Variants in ATP8B3 observed in about 807,000 individuals in gnomAD.
ATP8B3 encodes phospholipid-transporting ATPase IK.
In ATP8B3, 141 loss-of-function variants were observed where a neutral mutation model predicts 140.9. The observed-to-expected ratio is 1.00, with a 90% CI of 0.87 to 1.15. The LOEUF (loss-of-function observed/expected upper bound fraction) is 1.15. ATP8B3 is among the 50% of genes most tolerant of loss of function. The pLI is 0.00. For synonymous variants in ATP8B3, 765 were observed against 714.6 expected, an observed-to-expected ratio of 1.07 and a Z score of -1.13; for missense variants, 1,874 against 1,740.6, an observed-to-expected ratio of 1.08 and a Z score of -1.36.
In ATP8B3 at chr19:1,807,412, C is replaced by A; in HGVS notation, c.517-146G>T. ...CGGGGTCCAGCCATCTCCTGCAACC[C>A]CCAGCCCTCGGGACAAACGCCCCGG... is the stretch of plus-strand genomic sequence containing the variant. On this transcript the variant is annotated intron_variant, in intron 5 of 28. Coordinates refer to ENST00000310127, the MANE Select transcript of ATP8B3 (RefSeq NM_138813.4). The surrounding 1 kb of genome is among the most constrained non-coding windows in gnomAD (Gnocchi z 5.9). The A allele has an allele frequency of 1.6e-6, 1 of 645,052 alleles. No individual in the cohort carries two copies. The highest frequency in any genetic ancestry group is 2.7e-6 in the Non-Finnish European group (1 of 367,868). 40.0% of individuals were successfully genotyped at this position (645,052 alleles called of 1,614,324 possible).
chr19:1,801,886 C>T, intron 12 of ATP8B3, 70 bp downstream of exon 12: 3 of 1,239,656 alleles, frequency 2.4e-6, no homozygotes, highest in East Asian at 2.4e-5. Flanking sequence ...AAACTGAGGC[C>T]TGGAAGATGA....
rs184776389 is a variant in ATP8B3 at position 1,792,681 on chromosome 19, G to A, written c.2056-546C>T. ...AATCCCAGCACTTTGGGAGGCCGAG[G>A]CAGGCGGATCACTTGAGGCCAGGAG... On this transcript the variant is annotated intron_variant, in intron 18 of 28. Coordinates refer to ENST00000310127, the MANE Select transcript of ATP8B3 (RefSeq NM_138813.4). Among the ~76,000 whole-genome samples, 243 of 152,032 alleles carry A rather than the reference G, an allele frequency of 1.6e-3. 5 individuals carry two copies. The South Asian group carries it at 0.022, about 14-fold the overall frequency.
In ATP8B3 at chr19:1,796,832, G is replaced by T. The variant is rs751278295; in HGVS notation, c.1632C>A (p.Phe544Leu). 3.1e-5 allele frequency: 50 copies of T among 1,612,444 alleles called. No individual in the cohort carries two copies. The highest frequency in any genetic ancestry group is 3.3e-4 in the Middle Eastern group (2 of 6,082). The change falls in exon 16 of 29, where the codon TTC becomes TTA. Residue 544 changes from phenylalanine (F) to leucine (L), a missense_variant. Physicochemically the swap from Phe to Leu is conservative, Grantham distance 22. Around this residue, in one of 3 missense-constraint regions of ATP8B3, gnomAD observed 1,032 missense variants for 963.6 expected, o/e 1.07. Coordinates refer to ENST00000310127, the MANE Select transcript of ATP8B3 (RefSeq NM_138813.4). ...WNKFADGKLL[F>L]HNAALLHLVR... ...CGAGGTGCAGCAGGGCCGCATTGTG[G>T]AAGAGCAGCTTCCCGTCGGCGAACT... is the stretch of plus-strand genomic sequence containing the variant.
In ATP8B3 at chr19:1,805,802, C is replaced by T; in HGVS notation, c.821+86G>A. On this transcript the variant is annotated intron_variant, in intron 9 of 28. Coordinates refer to ENST00000310127, the MANE Select transcript of ATP8B3 (RefSeq NM_138813.4). This position sits in a 1 kb window ranked among gnomAD's most constrained non-coding sequence, Gnocchi z 5.2. Reference sequence around the variant, plus strand: ...AAAGTCTCTGAGCGACCTTGGCTGGCCGCCTCCTTGGTGACTGGGGAAGGG... The same window carrying T: ...AAAGTCTCTGAGCGACCTTGGCTGGTCGCCTCCTTGGTGACTGGGGAAGGG... 6.5e-7 allele frequency: 1 copy of T among 1,535,626 alleles called. No individual in the cohort carries two copies. Among genetic ancestry groups the T allele is most frequent in the South Asian group, 1.1e-5 (1 of 87,622 alleles).
At position 1,794,287 on chromosome 19, in the gene ATP8B3, C is replaced by T. The variant is rs1179070568; in HGVS notation, c.2055+1588G>A. On this transcript the variant is annotated intron_variant, in intron 18 of 28. Transcript: ENST00000310127. The surrounding 1 kb of genome is among the most constrained non-coding windows in gnomAD (Gnocchi z 4.8). Reference sequence around the variant, plus strand: ...ATTGGCAGCCTCCGACAGGCCTTGACCCTTCTTCCGGCCTCAATTTACCCA... The same window carrying T: ...ATTGGCAGCCTCCGACAGGCCTTGATCCTTCTTCCGGCCTCAATTTACCCA... Among the ~76,000 whole-genome samples the T allele has an allele frequency of 2.0e-5, 3 of 152,194 alleles. No individual in the cohort carries two copies. Among genetic ancestry groups the T allele is most frequent in the Non-Finnish European group, 2.9e-5 (2 of 68,024 alleles).
At position 1,791,734 on chromosome 19, in the gene ATP8B3, G is replaced by T; in HGVS notation, c.2302+16C>A. 6.3e-7 allele frequency: 1 copy of T among 1,595,612 alleles called. No homozygotes were observed. On this transcript the variant is annotated intron_variant, in intron 20 of 28. Transcript: ENST00000310127. ...TGCTGCAGGGGCTTAGCCACCCGGAGCTGCCCGGGACTCACCCTGCTTGTC... is the reference window on the plus strand; with the variant it reads ...TGCTGCAGGGGCTTAGCCACCCGGATCTGCCCGGGACTCACCCTGCTTGTC...
rs201710612 is a variant in ATP8B3, at chr19:1,796,783, C to T, written c.1681G>A (p.Val561Met). The T allele has an allele frequency of 2.5e-6, 4 of 1,612,334 alleles. No individual in the cohort carries two copies. The highest frequency in any genetic ancestry group is 2.7e-5 in the African/African-American group (2 of 74,922). Reference protein sequence around the residue: ...HLVRTNGDEAVREFWRLLAIC... With the variant: ...HLVRTNGDEAMREFWRLLAIC... The stretch of plus-strand genomic sequence containing the variant: ...GCCAGCAGGCGCCAGAACTCCCGCA[C>T]GGCCTCGTCCCCGTTGGTCCGCACG... The change falls in exon 16 of 29, where the codon GTG (valine) becomes ATG (methionine). Residue 561 changes from valine (V) to methionine (M), a missense_variant. Around this residue, in one of 3 missense-constraint regions of ATP8B3, gnomAD observed 1,032 missense variants for 963.6 expected, o/e 1.07. Transcript: ENST00000310127.
In ATP8B3 at chr19:1,795,834, CACACACACACACAT is replaced by C. The variant is rs752250035; in HGVS notation, c.2055+27_2055+40del. ...ACACACACACACACACACACACACA[CACACACACACACAT>C]AAGCCAGCCTTCCTGAAGGGACTCA... is the stretch of plus-strand genomic sequence containing the variant. On this transcript the variant is annotated intron_variant, in intron 18 of 28. Coordinates refer to ENST00000310127, the MANE Select transcript of ATP8B3 (RefSeq NM_138813.4). 2.8e-4 allele frequency: 358 copies of C among 1,293,204 alleles called. 3 individuals carry two copies. In the African/African-American group the frequency reaches 4.5e-3, roughly 16 times the overall value. The allele number at this position is 1,293,204 out of a possible 1,614,324, so 80.1% of individuals were successfully genotyped here. A position where few individuals can be genotyped will look rare whatever the true frequency, so the allele number is the denominator to read the frequency against.
Position 1,807,138 on chromosome 19 carries a change from C to G in ATP8B3, c.615+30G>C. 1 of 1,593,030 alleles carries G rather than the reference C, an allele frequency of 6.3e-7. No individual in the cohort carries two copies. Among genetic ancestry groups the G allele is most frequent in the Non-Finnish European group, 8.6e-7 (1 of 1,162,332 alleles). ...CCCCCCCGACCGGCCCCGCTCCCTC[C>G]CCCAGGCAGCTGCATCCAACAGCAC... On this transcript the variant is annotated intron_variant, in intron 6 of 28. Transcript: ENST00000310127. The surrounding 1 kb of genome is among the most constrained non-coding windows in gnomAD (Gnocchi z 5.9).
Position 1,806,747 on chromosome 19 carries a change from G to A in ATP8B3, c.616-58C>T. On this transcript the variant is annotated intron_variant, in intron 6 of 28. Coordinates refer to ENST00000310127, the MANE Select transcript of ATP8B3 (RefSeq NM_138813.4). The surrounding 1 kb of genome is among the most constrained non-coding windows in gnomAD (Gnocchi z 5.6). The stretch of plus-strand genomic sequence containing the variant: ...TCCAGCCTCTCCTGCCCCCGCCCAG[G>A]CCGCTGCCGCACTGCAGCCCAGCAG... 6.5e-7 allele frequency: 1 copy of A among 1,530,814 alleles called. No homozygotes were observed. Among genetic ancestry groups the A allele is most frequent in the Non-Finnish European group, 8.9e-7 (1 of 1,129,694 alleles). The allele number at this position is 1,530,814 out of a possible 1,614,324, so 94.8% of individuals were successfully genotyped here.
intron 12 of ATP8B3, 74 bp downstream of exon 12, chr19:1,801,882 A>T: frequency 8.6e-7 from 1 of 1,167,570 alleles, no homozygotes; most frequent in Non-Finnish European, 1.3e-6. Flanking sequence ...AAGGAAACTG[A>T]GGCCTGGAAG....
chr19:1,782,797 C>A lies in ATP8B3; in HGVS notation c.*231G>T, dbSNP rs983831395. On this transcript the variant is annotated 3_prime_UTR_variant, in exon 29 of 29. Coordinates refer to ENST00000310127, the MANE Select transcript of ATP8B3 (RefSeq NM_138813.4). ...GAGAAGGTGGCCTCTGCTTGGGTGA[C>A]AATGACCTCTCCTGTGCCCTTGGCA... 1.8e-6 allele frequency: 1 copy of A among 566,618 alleles called. No individual in the cohort carries two copies. Among genetic ancestry groups the A allele is most frequent in the Non-Finnish European group, 3.1e-6 (1 of 320,732 alleles). The allele number at this position is 566,618 out of a possible 1,614,324, so 35.1% of individuals were successfully genotyped here. A position where few individuals can be genotyped will look rare whatever the true frequency, so the allele number is the denominator to read the frequency against.
chr19:1,806,524 G>A lies in ATP8B3; in HGVS notation c.677+104C>T. The A allele has an allele frequency of 6.6e-7, 1 of 1,518,926 alleles. No individual in the cohort carries two copies. Among genetic ancestry groups the A allele is most frequent in the Middle Eastern group, 1.7e-4 (1 of 5,816 alleles). The allele number at this position is 1,518,926 out of a possible 1,614,324, so 94.1% of individuals were successfully genotyped here. A position where few individuals can be genotyped will look rare whatever the true frequency, so the allele number is the denominator to read the frequency against. ...TCCTGTCGGACTCAACCAGCCGGGA[G>A]ATCAGGGAGCACGGAAGGTGATGGA... On this transcript the variant is annotated intron_variant, in intron 7 of 28. Coordinates refer to ENST00000310127, the MANE Select transcript of ATP8B3 (RefSeq NM_138813.4). The surrounding 1 kb of genome is among the most constrained non-coding windows in gnomAD (Gnocchi z 5.6).
intron 14 of ATP8B3, chr19:1,798,941 A>C (rs1173230196): frequency 6.6e-6 from 1 of 151,440 alleles, no homozygotes; most frequent in Non-Finnish European, 1.5e-5. Context: ...CCAGGAGTTC[A>C]AGACCAGCCT....
intron 24 of ATP8B3, 145 bp from the exon 25 acceptor site, chr19:1,787,331 A>C (rs1332864654): frequency 1.6e-5 from 10 of 619,368 alleles, no homozygotes; most frequent in Non-Finnish European, 2.6e-5. Context: ...GGGTGGGGTG[A>C]AGTGCGGCCT....
rs139732964 is a variant in ATP8B3, at chr19:1,794,280, G to A, written c.2055+1595C>T. Among the ~76,000 whole-genome samples, 187 of 152,300 alleles carry A rather than the reference G, an allele frequency of 1.2e-3. No homozygotes were observed. The highest frequency in any genetic ancestry group is 4.1e-3 in the Admixed American group (62 of 15,284). On this transcript the variant is annotated intron_variant, in intron 18 of 28. Transcript: ENST00000310127. The surrounding 1 kb of genome is among the most constrained non-coding windows in gnomAD (Gnocchi z 4.8). ...CACGGACATTGGCAGCCTCCGACAGGCCTTGACCCTTCTTCCGGCCTCAAT... is the reference window on the plus strand; with the variant it reads ...CACGGACATTGGCAGCCTCCGACAGACCTTGACCCTTCTTCCGGCCTCAAT...
At chr19:1,803,662 C>T (rs548505133) in intron 10 of ATP8B3, among the ~76,000 whole-genome samples, 1 of 152,166 alleles carries the variant, frequency 6.6e-6, no homozygotes, top group East Asian at 1.9e-4. Flanking sequence ...TTTCAGAGGC[C>T]GAGGCGGGTG....
At position 1,811,594 on chromosome 19, in the gene ATP8B3, G is replaced by A. The variant is rs1209979671; in HGVS notation, c.143C>T (p.Thr48Met). 18 of 1,612,122 alleles carry A rather than the reference G, an allele frequency of 1.1e-5. No homozygotes were observed. Among genetic ancestry groups the A allele is most frequent in the Admixed American group, 1.7e-5 (1 of 59,982 alleles). The change falls in exon 2 of 29, where the codon ACG becomes ATG. Residue 48 changes from threonine to methionine, a missense_variant. Around this residue, in one of 3 missense-constraint regions of ATP8B3, gnomAD observed 1,032 missense variants for 963.6 expected, o/e 1.07. Coordinates refer to ENST00000310127, the MANE Select transcript of ATP8B3 (RefSeq NM_138813.4). ...SGPAGIRGGE[T>M]VIRAGMGDSP... ...GTCTCCCATCCCAGCTCTGATCACCGTCTCACCTCCGCGGATGCCAGCAGG... is the reference window on the plus strand; with the variant it reads ...GTCTCCCATCCCAGCTCTGATCACCATCTCACCTCCGCGGATGCCAGCAGG...
intron 10 of ATP8B3, among the ~76,000 whole-genome samples, chr19:1,804,423 C>T (rs1018947288): frequency 2.6e-5 from 4 of 152,306 alleles, no homozygotes; most frequent in South Asian, 4.1e-4. Context: ...TCCTGGCTAA[C>T]ACGGTGAAAC....
Sources: allele counts gnomAD v4.1 joint callset (sites outside exome capture counted in the v4.1 genomes callset), GRCh38; gene constraint gnomAD v4.1.1; regional missense constraint gnomAD v4.1.1; non-coding constraint Gnocchi (gnomAD v3.1); transcripts MANE v1.5; gene names NCBI Gene and HGNC (gene_info 2026-07-23, HGNC 2026-07-21).